The following LRRC69 variants were observed in gnomAD, a reference collection of about 807,000 sequenced individuals.
The protein encoded by LRRC69 is leucine rich repeat containing 69, also known as leucine-rich repeat-containing protein 69.
A neutral mutation model predicts 37.8 loss-of-function variants in LRRC69; 42 were observed. The observed-to-expected ratio is 1.11, with a 90% confidence interval of 0.87 to 1.44. The LOEUF (loss-of-function observed/expected upper bound fraction) is 1.44, where lower values mean the gene tolerates loss of function less well. LRRC69 is among the 40% of genes most tolerant of loss of function. The pLI, the probability that LRRC69 is intolerant of heterozygous loss-of-function variation, is 0.00. For synonymous variants in LRRC69, 141 were observed against 143.1 expected (o/e 0.99, Z 0.11); for missense variants, 357 against 401.9 (o/e 0.89, Z 0.96).
rs556973137 is a variant in LRRC69, at chr8:91,115,893, G to T, written c.184-8600G>T. Among the ~76,000 whole-genome samples the T allele has an allele frequency of 5.9e-5, 9 of 151,898 alleles. No homozygotes were observed. The East Asian group carries it at 1.7e-3, about 30-fold the overall frequency. ...GCCTGTGGTTGACCCTGCACATGGA[G>T]ATCCTGCCAATCCCACTCATATTTA... is the stretch of plus-strand genomic sequence containing the variant. On this transcript the variant is annotated intron_variant, in intron 1 of 7. Transcript: ENST00000448384.
chr8:91,146,643 A>G, intron 5 of LRRC69, among the ~76,000 whole-genome samples: 1 of 151,780 alleles, frequency 6.6e-6, no homozygotes, highest in Admixed American at 6.6e-5. Flanking sequence ...TAGGCACCCA[A>G]TAAATAATTA....
intron 7 of LRRC69, among the ~76,000 whole-genome samples, chr8:91,206,316 A>G (rs559243748): frequency 2.0e-5 from 3 of 152,340 alleles, no homozygotes; most frequent in African/African-American, 7.2e-5. Context: ...GAACATTAAA[A>G]TAGTGGTTGA....
chr8:91,167,789 T>C (rs531139714), intron 5 of LRRC69, among the ~76,000 whole-genome samples: 1 of 152,038 alleles, frequency 6.6e-6, no homozygotes, highest in South Asian at 2.1e-4. Context: ...ACACCAGTGA[T>C]AGTAGCCTTA....
rs183821056 is a variant in LRRC69 at position 91,120,186 on chromosome 8, A to G, written c.184-4307A>G. On this transcript the variant is annotated intron_variant, in intron 1 of 7. Coordinates refer to ENST00000448384, the Ensembl canonical transcript of LRRC69. ...CTTTCTTCCCCAACACTTCACCCCTATTTTCAAGGTCACTAATCACTTTCC... is the reference window on the plus strand; with the variant it reads ...CTTTCTTCCCCAACACTTCACCCCTGTTTTCAAGGTCACTAATCACTTTCC... 2.0e-5 allele frequency among the ~76,000 whole-genome samples: 3 copies of G among 152,036 alleles called. No individual in the cohort carries two copies. The East Asian group carries it at 5.8e-4, about 29-fold the overall frequency.
At chr8:91,109,824 G>A (rs1197474641) in intron 1 of LRRC69, among the ~76,000 whole-genome samples, 1 of 151,956 alleles carries the variant, frequency 6.6e-6, no homozygotes, top group Non-Finnish European at 1.5e-5. Flanking sequence ...GACTTTGTTA[G>A]GAAGTTACTG....
At chr8:91,104,626 GCCCCACT>G (rs1029501770) in intron 1 of LRRC69, among the ~76,000 whole-genome samples, 13 of 151,934 alleles carry the variant, frequency 8.6e-5, no homozygotes, top group African/African-American at 3.1e-4. Flanking sequence ...TCCATCCTCT[GCCCCACT>G]CTATGTTGAC....
chr8:91,171,253 A>T (rs1809124972), intron 5 of LRRC69, among the ~76,000 whole-genome samples: 1 of 151,718 alleles, frequency 6.6e-6, no homozygotes, highest in Non-Finnish European at 1.5e-5. Context: ...GTTTGACTTT[A>T]TTCCTCTAAT....
intron 5 of LRRC69, among the ~76,000 whole-genome samples, chr8:91,177,850 C>CTTT (rs10645044): frequency 0.088 from 11,533 of 130,732 alleles, 1,105 homozygotes; most frequent in African/African-American, 0.22. Context: ...TTCTGCTTTT[C>CTTT]TTTTTTTTTT....
exon 8 of LRRC69, chr8:91,218,995 G>C: frequency 3.9e-6 from 6 of 1,536,480 alleles, no homozygotes; most frequent in Non-Finnish European, 5.3e-6. Flanking sequence ...AATTGCTCAG[G>C]TGTAGAACAG....
intron 7 of LRRC69, among the ~76,000 whole-genome samples, chr8:91,201,100 C>A (rs935507285): frequency 6.6e-6 from 1 of 152,128 alleles, no homozygotes. Context: ...GAACTAAATT[C>A]TTCTCAGAAG....
chr8:91,124,826 A>G (rs1436987993), intron 2 of LRRC69: 1 of 429,672 alleles, frequency 2.3e-6, no homozygotes, highest in Non-Finnish European at 4.0e-6. Context: ...CTAAGAAAAT[A>G]AGTAAGCATC....
intron 5 of LRRC69, among the ~76,000 whole-genome samples, chr8:91,170,902 G>C (rs549303730): frequency 7.3e-6 from 1 of 136,142 alleles, no homozygotes; most frequent in Non-Finnish European, 1.6e-5. Context: ...TTGACAAATG[G>C]GATCTAATTA....
intron 5 of LRRC69, among the ~76,000 whole-genome samples, chr8:91,177,364 C>A (rs73697131): frequency 0.035 from 5,396 of 152,168 alleles, 341 homozygotes; most frequent in African/African-American, 0.12. Flanking sequence ...ACTTTTTCAT[C>A]TCATCTGATT....
In LRRC69 at chr8:91,136,124, A is replaced by C. The variant is rs561017174; in HGVS notation, c.651+385A>C. Among the ~76,000 whole-genome samples, 9 of 152,124 alleles carry C rather than the reference A, an allele frequency of 5.9e-5. No individual in the cohort carries two copies. The South Asian group carries it at 1.2e-3, about 21-fold the overall frequency. ...CACTTTTGTTAGTCATTTTTAGGCC[A>C]TAAACAATGAAAAATGCACTTTTTT... On this transcript the variant is annotated intron_variant, in intron 5 of 7. Coordinates refer to ENST00000448384, the Ensembl canonical transcript of LRRC69.
At chr8:91,168,057 T>A (rs181645648) in intron 5 of LRRC69, among the ~76,000 whole-genome samples, 12 of 152,006 alleles carry the variant, frequency 7.9e-5, no homozygotes, top group Admixed American at 2.6e-4. Flanking sequence ...ACAAATTCCC[T>A]GCCCTCTTGG....
intron 7 of LRRC69, among the ~76,000 whole-genome samples, chr8:91,213,963 T>G (rs1177070931): frequency 1.3e-5 from 2 of 152,090 alleles, no homozygotes; most frequent in East Asian, 1.9e-4. Flanking sequence ...AACTTGATCT[T>G]GTTTGGAAAT....
At chr8:91,113,316 T>C (rs572390920) in intron 1 of LRRC69, among the ~76,000 whole-genome samples, 2 of 152,126 alleles carry the variant, frequency 1.3e-5, no homozygotes, top group East Asian at 3.9e-4. Flanking sequence ...TTTCAAAATA[T>C]ATTACAAAGC....
chr8:91,177,075 A>G (rs2130592592), intron 5 of LRRC69, among the ~76,000 whole-genome samples: 1 of 152,280 alleles, frequency 6.6e-6, no homozygotes, highest in South Asian at 2.1e-4. Flanking sequence ...GAGGAATCAG[A>G]TCTGAATTAC....
chr8:91,205,747 A>T (rs1809793041), intron 7 of LRRC69, among the ~76,000 whole-genome samples: 1 of 152,118 alleles, frequency 6.6e-6, no homozygotes, highest in South Asian at 2.1e-4. Flanking sequence ...AGACATAACC[A>T]TGTGTGCTTA....
Sources: allele counts gnomAD v4.1 joint callset (sites outside exome capture counted in the v4.1 genomes callset), GRCh38; gene constraint gnomAD v4.1.1; transcripts MANE v1.5; gene names NCBI Gene and HGNC (gene_info 2026-07-23, HGNC 2026-07-21).